The following ZBTB16 variants were observed in gnomAD, a reference collection of about 807,000 sequenced individuals.
ZBTB16 encodes zinc finger and BTB domain-containing protein 16.
Under a neutral mutation model 56.8 loss-of-function variants are expected in ZBTB16, and 8 were observed. The ratio of observed to expected loss-of-function variants is 0.14; its 90% CI spans 0.08 to 0.25. ZBTB16 has a LOEUF of 0.25. Among genes scored for constraint, ZBTB16 ranks in the 10% least tolerant of loss-of-function variants. ZBTB16 has a pLI of 1.00. For missense variants in ZBTB16, 625 were observed against 903.0 expected, an observed-to-expected ratio of 0.69 and a Z score of 3.95; for synonymous variants, 363 against 368.5, an observed-to-expected ratio of 0.98 and a Z score of 0.17.
intron 2 of ZBTB16, among the ~76,000 whole-genome samples, chr11:114,106,030 G>A (rs1468533659): frequency 2.0e-5 from 3 of 152,142 alleles, no homozygotes; most frequent in Admixed American, 6.5e-5. Flanking sequence ...TAAAATAAAA[G>A]TAGCATTCTA....
chr11:114,089,444 G>A (rs1010046117), intron 2 of ZBTB16, among the ~76,000 whole-genome samples: 8 of 152,120 alleles, frequency 5.3e-5, no homozygotes, highest in Admixed American at 4.6e-4. Flanking sequence ...TTGAGGATAG[G>A]GACTGTGACC....
intron 2 of ZBTB16, among the ~76,000 whole-genome samples, chr11:114,101,982 G>A (rs1292381211): frequency 1.3e-5 from 2 of 152,212 alleles, no homozygotes; most frequent in Admixed American, 6.5e-5. Context: ...TGGCTCTAGG[G>A]AATAGATGTC....
chr11:114,247,903 A>ATTT (rs11417965), intron 6 of ZBTB16, among the ~76,000 whole-genome samples: 2 of 148,288 alleles, frequency 1.3e-5, no homozygotes, highest in African/African-American at 4.9e-5. Context: ...GTGCCTTCAC[A>ATTT]TTTTTTTTTT....
chr11:114,175,452 T>C (rs1430084145), intron 3 of ZBTB16, among the ~76,000 whole-genome samples: 2 of 152,122 alleles, frequency 1.3e-5, no homozygotes, highest in Non-Finnish European at 2.9e-5. Flanking sequence ...ATTTTATACA[T>C]GTGCAAACTT....
At position 114,123,096 on chromosome 11, in the gene ZBTB16, C is replaced by CA. The variant is rs377307769; in HGVS notation, c.1269-33239dup. Among the ~76,000 whole-genome samples, 598 of 152,234 alleles carry CA rather than the reference C, an allele frequency of 3.9e-3. 6 individuals carry two copies. Among genetic ancestry groups the CA allele is most frequent in the African/African-American group, 0.014 (567 of 41,548 alleles). On this transcript the variant is annotated intron_variant, in intron 2 of 6. Transcript: ENST00000335953. ...GACAGTGAGCTGGTGTCTCTTCTTA[C>CA]AAGGACACTATTCTGTCAGATCAGA...
At chr11:114,161,369 G>A (rs1000197337) in intron 3 of ZBTB16, among the ~76,000 whole-genome samples, 2 of 152,186 alleles carry the variant, frequency 1.3e-5, no homozygotes, top group Non-Finnish European at 2.9e-5. Context: ...TGTTTAATAA[G>A]CACGAATTGT....
At chr11:114,150,156 G>A (rs1353716821) in intron 2 of ZBTB16, among the ~76,000 whole-genome samples, 2 of 152,312 alleles carry the variant, frequency 1.3e-5, no homozygotes, top group South Asian at 2.1e-4. Flanking sequence ...CTGGAATGTG[G>A]TACTTTTGGT....
At chr11:114,107,908 T>A (rs1249477243) in intron 2 of ZBTB16, among the ~76,000 whole-genome samples, 4 of 146,564 alleles carry the variant, frequency 2.7e-5, no homozygotes, top group African/African-American at 1.1e-4. Context: ...ACAGTGGAAA[T>A]TTGGGACTTT....
At chr11:114,180,189 G>C (rs1463804686) in intron 3 of ZBTB16, among the ~76,000 whole-genome samples, 1 of 152,190 alleles carries the variant, frequency 6.6e-6, no homozygotes, top group Non-Finnish European at 1.5e-5. Context: ...AGGGAAAAAG[G>C]GGAGAAGAGT....
chr11:114,142,024 A>T (rs1941961898), intron 2 of ZBTB16, among the ~76,000 whole-genome samples: 1 of 152,212 alleles, frequency 6.6e-6, no homozygotes, highest in South Asian at 2.1e-4. Context: ...ACCTGAGATG[A>T]TGTTATGCTC....
chr11:114,198,307 T>C (rs1268243767), intron 4 of ZBTB16, among the ~76,000 whole-genome samples: 2 of 152,246 alleles, frequency 1.3e-5, no homozygotes, highest in Non-Finnish European at 2.9e-5. Context: ...CTGCTGTTTG[T>C]ACAGTCAGTG....
At chr11:114,111,461 C>T (rs1193747654) in intron 2 of ZBTB16, among the ~76,000 whole-genome samples, 2 of 152,108 alleles carry the variant, frequency 1.3e-5, no homozygotes, top group Non-Finnish European at 2.9e-5. Context: ...CCTAGCGCTG[C>T]GAACCACAAG....
intron 3 of ZBTB16, among the ~76,000 whole-genome samples, chr11:114,160,190 G>T (rs61108126): frequency 6.6e-6 from 1 of 152,194 alleles, no homozygotes; most frequent in African/African-American, 2.4e-5. Flanking sequence ...GCCTGGCTGC[G>T]AGCCAGACTT....
chr11:114,123,783 G>A (rs238896), intron 2 of ZBTB16, among the ~76,000 whole-genome samples: 90,338 of 151,942 alleles, frequency 0.59, 28,930 homozygotes, highest in African/African-American at 0.85. Context: ...CTTCTTGACA[G>A]TGGCCTTAAA....
In ZBTB16 at chr11:114,254,428, C is replaced by A. The variant is rs1169315222; in HGVS notation, c.*3873C>A. On this transcript the variant is annotated 3_prime_UTR_variant, in exon 7 of 7. Coordinates refer to ENST00000335953, the MANE Select transcript of ZBTB16 (RefSeq NM_006006.6). ...AGAAAAAAAAACTGCTGCAATTTTT[C>A]ACAAGTGTATGGTACCTTTCTGGAT... Among the ~76,000 whole-genome samples the A allele has an allele frequency of 2.6e-5, 4 of 152,108 alleles. No homozygotes were observed. The highest frequency in any genetic ancestry group is 9.7e-5 in the African/African-American group (4 of 41,428).
intron 3 of ZBTB16, among the ~76,000 whole-genome samples, chr11:114,168,145 G>T (rs1211974116): frequency 2.6e-5 from 4 of 152,118 alleles, no homozygotes; most frequent in Non-Finnish European, 5.9e-5. Flanking sequence ...ATACTACCTC[G>T]CTTAGTAACC....
At position 114,252,609 on chromosome 11, in the gene ZBTB16, C is replaced by T. The variant is rs989102902; in HGVS notation, c.*2054C>T. Among the ~76,000 whole-genome samples, 1 of 152,132 alleles carries T rather than the reference C, an allele frequency of 6.6e-6. No homozygotes were observed. The highest frequency in any genetic ancestry group is 2.4e-5 in the African/African-American group (1 of 41,430). On this transcript the variant is annotated 3_prime_UTR_variant, in exon 7 of 7. Transcript: ENST00000335953. ...GACGGACCCTCCGTTTCATCTCATG[C>T]TTTATGTGTAAGAGTTTTTTATTAT...
intron 4 of ZBTB16, among the ~76,000 whole-genome samples, chr11:114,231,805 G>A (rs1944445925): frequency 6.6e-6 from 1 of 152,148 alleles, no homozygotes; most frequent in Non-Finnish European, 1.5e-5. Context: ...ATCTCAGTGG[G>A]AGAAAGGACC....
In ZBTB16 at chr11:114,220,611, G is replaced by A. The variant is rs138556669; in HGVS notation, c.1454-21556G>A. 3.1e-3 allele frequency among the ~76,000 whole-genome samples: 467 copies of A among 152,326 alleles called. 3 individuals are homozygous for A. Among genetic ancestry groups the A allele is most frequent in the African/African-American group, 0.011 (451 of 41,582 alleles). On this transcript the variant is annotated intron_variant, in intron 4 of 6. Coordinates refer to ENST00000335953, the MANE Select transcript of ZBTB16 (RefSeq NM_006006.6). ...ACCAGGGCAGGGACTGTGTCAGTCT[G>A]ATTCATCAGTGTCTCCCCAGACCAG...
Sources: allele counts gnomAD v4.1 joint callset (sites outside exome capture counted in the v4.1 genomes callset), GRCh38; gene constraint gnomAD v4.1.1; transcripts MANE v1.5; gene names NCBI Gene and HGNC (gene_info 2026-07-23, HGNC 2026-07-21).